Variants in MAN1C1 observed in about 807,000 individuals in gnomAD.
MAN1C1 encodes mannosidase alpha class 1C member 1.
MAN1C1 carries 49 observed loss-of-function variants against 71.5 expected under a neutral mutation model. The ratio of observed to expected loss-of-function variants is 0.69; its 90% confidence interval spans 0.54 to 0.87. The LOEUF is 0.87. Among genes scored for constraint, MAN1C1 ranks in the 40% least tolerant of loss-of-function variants. The pLI is 0.00. For missense variants in MAN1C1, 743 were observed against 835.0 expected (o/e 0.89, Z 1.36); for synonymous variants, 352 against 343.7 (o/e 1.02, Z -0.27).
chr1:25,731,514 A>G (rs1283789309), intron 2 of MAN1C1, among the ~76,000 whole-genome samples: 1 of 152,240 alleles, frequency 6.6e-6, no homozygotes, highest in Non-Finnish European at 1.5e-5. Flanking sequence ...GGCTCATGAG[A>G]TAAGGTAGCT....
At chr1:25,754,868 G>A (rs140689183) in intron 5 of MAN1C1, among the ~76,000 whole-genome samples, 12 of 152,294 alleles carry the variant, frequency 7.9e-5, no homozygotes, top group East Asian at 1.9e-4. Context: ...CCTGCTGTCC[G>A]TGCCGTGTGC....
chr1:25,726,623 A>G (rs2124289640), intron 2 of MAN1C1, among the ~76,000 whole-genome samples: 1 of 152,268 alleles, frequency 6.6e-6, no homozygotes, highest in East Asian at 1.9e-4. Context: ...CAAGTACAGT[A>G]GGCATTCGGG....
At chr1:25,757,360 T>C (rs2047300362) in intron 5 of MAN1C1, among the ~76,000 whole-genome samples, 1 of 152,162 alleles carries the variant, frequency 6.6e-6, no homozygotes, top group Non-Finnish European at 1.5e-5. Context: ...CCTCAGAGCG[T>C]CTACAAATGG....
At chr1:25,627,573 C>T (rs781223962) in intron 1 of MAN1C1, among the ~76,000 whole-genome samples, 80 of 152,232 alleles carry the variant, frequency 5.3e-4, no homozygotes, top group Non-Finnish European at 1.0e-3. Context: ...CTGTGCCCAG[C>T]CAATCCATGC....
In MAN1C1 at chr1:25,783,829, G is replaced by A. The variant is rs1315458891; in HGVS notation, c.*40G>A. On this transcript the variant is annotated 3_prime_UTR_variant, in exon 12 of 12. Coordinates refer to ENST00000374332, the MANE Select transcript of MAN1C1 (RefSeq NM_020379.4). ...GCCGCCCTGGGGCCGCCGCAGGGAT[G>A]CCTTGCCTTTTCAGGATTTGAGACT... is the stretch of plus-strand genomic sequence containing the variant. 8.1e-6 allele frequency: 13 copies of A among 1,597,122 alleles called. No individual in the cohort carries two copies. Among genetic ancestry groups the A allele is most frequent in the Non-Finnish European group, 1.0e-5 (12 of 1,175,564 alleles).
rs532253127 is a variant in MAN1C1 at position 25,778,578 on chromosome 1, C to A, written c.1477+254C>A. 1.3e-5 allele frequency among the ~76,000 whole-genome samples: 2 copies of A among 152,314 alleles called. No homozygotes were observed. The highest frequency in any genetic ancestry group is 3.9e-4 in the East Asian group (2 of 5,178). On this transcript the variant is annotated intron_variant, in intron 9 of 11. Transcript: ENST00000374332. This position sits in a 1 kb window ranked among gnomAD's most constrained non-coding sequence, Gnocchi z 5.5. ...CCGCACTTGACACAACATCACTGAA[C>A]CTCACCACACAGATGAGGAAACTGA...
rs761480543 is a variant in MAN1C1 at position 25,617,890 on chromosome 1, C to T, written c.93C>T (p.Gly31=). The change falls in exon 1 of 12, where the codon GGC becomes GGT. Residue 31 remains glycine, a synonymous_variant. Coordinates refer to ENST00000374332, the MANE Select transcript of MAN1C1 (RefSeq NM_020379.4). The surrounding 1 kb of genome is among the most constrained non-coding windows in gnomAD (Gnocchi z 5.1). ...QKFLFLLFLS[G]LVTLCFGALF... is the part of the protein sequence containing the mutation. ...TCCTCTTCCTCCTCTTCCTCTCGGG[C>T]CTGGTCACCCTGTGCTTCGGGGCCC... The T allele has an allele frequency of 2.5e-6, 4 of 1,608,876 alleles. No homozygotes were observed. Among genetic ancestry groups the T allele is most frequent in the Non-Finnish European group, 2.5e-6 (3 of 1,178,376 alleles).
At chr1:25,705,434 A>G (rs1249554344) in intron 2 of MAN1C1, among the ~76,000 whole-genome samples, 2 of 152,228 alleles carry the variant, frequency 1.3e-5, no homozygotes, top group African/African-American at 2.4e-5. Context: ...ATTCTATCAC[A>G]TGGATGGACT....
At chr1:25,716,038 G>A (rs2046675342) in intron 2 of MAN1C1, among the ~76,000 whole-genome samples, 1 of 152,226 alleles carries the variant, frequency 6.6e-6, no homozygotes, top group South Asian at 2.1e-4. Context: ...CCAGCAGGAA[G>A]GGAAAAAGAG....
At chr1:25,777,173 T>C (rs185694339) in intron 8 of MAN1C1, among the ~76,000 whole-genome samples, 1 of 152,282 alleles carries the variant, frequency 6.6e-6, no homozygotes, top group African/African-American at 2.4e-5. Flanking sequence ...ATCCGGTTTG[T>C]TAATTGCAGA....
In MAN1C1 at chr1:25,771,776, A is replaced by T. The variant is rs780540481; in HGVS notation, c.1257+4A>T. The T allele has an allele frequency of 6.2e-7, 1 of 1,607,604 alleles. No individual in the cohort carries two copies. Among genetic ancestry groups the T allele is most frequent in the Non-Finnish European group, 8.5e-7 (1 of 1,174,206 alleles). On this transcript the variant is annotated splice_donor_region_variant and intron_variant, in intron 8 of 11. Transcript: ENST00000374332. ...TATGTACTACGAAGCCTTGGAGGTA[A>T]GACAAGCCCTGGATTATTCACAGGC...
At chr1:25,712,403 T>C (rs1373099959) in intron 2 of MAN1C1, among the ~76,000 whole-genome samples, 1 of 152,186 alleles carries the variant, frequency 6.6e-6, no homozygotes, top group Non-Finnish European at 1.5e-5. Flanking sequence ...GGGCCACTTA[T>C]GGAGCTTTCC....
intron 2 of MAN1C1, among the ~76,000 whole-genome samples, chr1:25,744,250 C>T (rs912485620): frequency 3.9e-5 from 6 of 152,228 alleles, no homozygotes; most frequent in Non-Finnish European, 7.4e-5. Flanking sequence ...TTGAGCACCT[C>T]GAGAGGGTGA....
chr1:25,649,436 G>A (rs536944740), intron 1 of MAN1C1, among the ~76,000 whole-genome samples: 49 of 152,334 alleles, frequency 3.2e-4, no homozygotes, highest in African/African-American at 1.1e-3. Context: ...TGGTCTTCCC[G>A]GCTCAGGCTC....
chr1:25,620,158 C>T (rs1352326245), intron 1 of MAN1C1, among the ~76,000 whole-genome samples: 1 of 152,062 alleles, frequency 6.6e-6, no homozygotes, highest in Non-Finnish European at 1.5e-5. Context: ...GCTGGAGTGG[C>T]TGGAGGGTGG....
chr1:25,627,880 A>G (rs949621130), intron 1 of MAN1C1, among the ~76,000 whole-genome samples: 2 of 151,992 alleles, frequency 1.3e-5, no homozygotes, highest in African/African-American at 4.8e-5. Context: ...AAAAAAAAAA[A>G]AAAAATACAA....
Position 25,746,085 on chromosome 1 carries a change from A to G in MAN1C1, c.638-583A>G, listed in dbSNP as rs1295571289. On this transcript the variant is annotated intron_variant, in intron 2 of 11. Transcript: ENST00000374332. This position sits in a 1 kb window ranked among gnomAD's most constrained non-coding sequence, Gnocchi z 4.0. ...TTTGGGAGGCCGAAGTGGGTGGATCACTTGAGGCCAGGAGTTCAAGACCAG... is the reference window on the plus strand; with the variant it reads ...TTTGGGAGGCCGAAGTGGGTGGATCGCTTGAGGCCAGGAGTTCAAGACCAG... 1.3e-5 allele frequency among the ~76,000 whole-genome samples: 2 copies of G among 152,044 alleles called. No homozygotes were observed. The highest frequency in any genetic ancestry group is 4.8e-5 in the African/African-American group (2 of 41,398).
intron 1 of MAN1C1, among the ~76,000 whole-genome samples, chr1:25,650,316 C>T (rs1416819509): frequency 1.3e-5 from 2 of 152,156 alleles, no homozygotes; most frequent in East Asian, 3.8e-4. Context: ...TGGGCTGTGA[C>T]CTTAATGAAT....
At chr1:25,713,101 T>C (rs918071115) in intron 2 of MAN1C1, among the ~76,000 whole-genome samples, 2 of 152,244 alleles carry the variant, frequency 1.3e-5, no homozygotes, top group Non-Finnish European at 2.9e-5. Flanking sequence ...GAACTAGTCT[T>C]CCCATTTTCC....
Sources: allele counts gnomAD v4.1 joint callset (sites outside exome capture counted in the v4.1 genomes callset), GRCh38; gene constraint gnomAD v4.1.1; non-coding constraint Gnocchi (gnomAD v3.1); transcripts MANE v1.5; gene names NCBI Gene and HGNC (gene_info 2026-07-23, HGNC 2026-07-21).